ITPR3: variants seen among roughly 807,000 people sequenced by gnomAD.
The protein encoded by ITPR3 is inositol 1,4,5-trisphosphate-gated calcium channel ITPR3.
In ITPR3, 173 loss-of-function variants were observed where a neutral mutation model predicts 293.2. The ratio of observed to expected loss-of-function variants is 0.59; its 90% CI spans 0.52 to 0.67. The LOEUF (loss-of-function observed/expected upper bound fraction) is 0.67, where lower values mean the gene tolerates loss of function less well. ITPR3 is among the 30% of genes least tolerant of loss of function. ITPR3 has a pLI of 0.00. For missense variants in ITPR3, 2,796 were observed against 3,592.1 expected (o/e 0.78, Z 5.66); for synonymous variants, 1,295 against 1,444.4 (o/e 0.90, Z 2.35).
Position 33,638,153 on chromosome 6 carries a change from G to A in ITPR3, c.90-2331G>A, listed in dbSNP as rs1368203587. Among the ~76,000 whole-genome samples the A allele has an allele frequency of 4.6e-5, 7 of 152,030 alleles. No individual in the cohort carries two copies. The highest frequency in any genetic ancestry group is 1.2e-4 in the African/African-American group (5 of 41,374). On this transcript the variant is annotated intron_variant, in intron 1 of 57. Transcript: ENST00000605930. The surrounding 1 kb of genome is among the most constrained non-coding windows in gnomAD (Gnocchi z 4.3). ...CCTGTGTAGCTGGGATTACAGGCGC[G>A]CACCGCCACGCCCAGCTAATTTTTG...
intron 1 of ITPR3, among the ~76,000 whole-genome samples, chr6:33,630,419 T>G (rs1763648363): frequency 1.3e-5 from 2 of 152,216 alleles, no homozygotes; most frequent in South Asian, 4.1e-4. Flanking sequence ...TTCTGGGTTA[T>G]GGAGAGTGGG....
intron 13 of ITPR3, 111 bp from the exon 14 acceptor site, chr6:33,665,724 G>GT: frequency 8.3e-7 from 1 of 1,205,734 alleles, no homozygotes; most frequent in South Asian, 1.4e-5. Context: ...GTGCTTTGGG[G>GT]GCCGCTGAGT....
chr6:33,642,652 T>C (rs1470486538), intron 2 of ITPR3, among the ~76,000 whole-genome samples: 1 of 152,050 alleles, frequency 6.6e-6, no homozygotes, highest in Admixed American at 6.6e-5. Context: ...CCCTCCTCTG[T>C]CCTCATTGCG....
chr6:33,677,155 C>T, intron 27 of ITPR3, 66 bp downstream of exon 27: 1 of 1,434,274 alleles, frequency 7.0e-7, no homozygotes, highest in Non-Finnish European at 9.8e-7. Flanking sequence ...CTCCCGCTGG[C>T]CCGGCCCCCT....
Position 33,672,009 on chromosome 6 carries a change from C to T in ITPR3, c.2729-20C>T. The T allele has an allele frequency of 6.3e-7, 1 of 1,580,844 alleles. No individual in the cohort carries two copies. Among genetic ancestry groups the T allele is most frequent in the South Asian group, 1.2e-5 (1 of 85,442 alleles). On this transcript the variant is annotated intron_variant, in intron 21 of 57. Coordinates refer to ENST00000605930, the MANE Select transcript of ITPR3 (RefSeq NM_002224.4). This position sits in a 1 kb window ranked among gnomAD's most constrained non-coding sequence, Gnocchi z 5.0. ...CCTCTACAACCTCCTTGGCAACCTC[C>T]TCTGCTTCCCCCTCCACAGGCAAGA...
At chr6:33,627,962 G>A (rs1375466136) in intron 1 of ITPR3, among the ~76,000 whole-genome samples, 1 of 152,222 alleles carries the variant, frequency 6.6e-6, no homozygotes, top group Non-Finnish European at 1.5e-5. Context: ...CCAACTGCTC[G>A]GCCTGAATCC....
chr6:33,655,644 G>C lies in ITPR3; in HGVS notation c.161-122G>C. 7.7e-7 allele frequency: 1 copy of C among 1,305,314 alleles called. No homozygotes were observed. The highest frequency in any genetic ancestry group is 1.1e-6 in the Non-Finnish European group (1 of 941,900). 80.9% of individuals were successfully genotyped at this position (1,305,314 alleles called of 1,614,324 possible). Reference sequence around the variant, plus strand: ...TCTTCCAACCGCTTCCTCTCTACCTGCAGCGGGGAACGGGGGTGGGGAAGG... The same window carrying C: ...TCTTCCAACCGCTTCCTCTCTACCTCCAGCGGGGAACGGGGGTGGGGAAGG... On this transcript the variant is annotated intron_variant, in intron 2 of 57. Transcript: ENST00000605930. This position sits in a 1 kb window ranked among gnomAD's most constrained non-coding sequence, Gnocchi z 4.9.
chr6:33,651,014 C>T (rs12208956), intron 2 of ITPR3, among the ~76,000 whole-genome samples: 30,381 of 151,994 alleles, frequency 0.2, 3,832 homozygotes, highest in South Asian at 0.3. Flanking sequence ...GGGTGGTTCA[C>T]GCCTGTAATC....
intron 23 of ITPR3, 88 bp downstream of exon 23, chr6:33,673,808 C>T (rs1478355404): frequency 2.0e-6 from 3 of 1,466,320 alleles, no homozygotes; most frequent in Non-Finnish European, 2.8e-6. Context: ...CTCAGCCCTG[C>T]TCCTTTTTCT....
At chr6:33,659,572 C>T in intron 7 of ITPR3, 23 bp downstream of exon 7, 1 of 1,597,324 alleles carries the variant, frequency 6.3e-7, no homozygotes, top group Non-Finnish European at 8.6e-7. Context: ...AACCCCTGCC[C>T]TGCCCAGCTG....
chr6:33,622,507 A>C (rs1368072378), intron 1 of ITPR3, among the ~76,000 whole-genome samples: 1 of 152,148 alleles, frequency 6.6e-6, no homozygotes, highest in Non-Finnish European at 1.5e-5. Context: ...GATTCGCTGG[A>C]TGGGAGCGTA....
chr6:33,657,877 T>C, intron 3 of ITPR3, 55 bp from the exon 4 acceptor site: 6 of 1,495,524 alleles, frequency 4.0e-6, no homozygotes, highest in Non-Finnish European at 5.6e-6. Context: ...GGGGTATGTC[T>C]TCCTCTAGGA....
chr6:33,691,055 C>T lies in ITPR3; in HGVS notation c.7171C>T (p.Leu2391Phe). 5 of 1,614,208 alleles carry T rather than the reference C, an allele frequency of 3.1e-6. No homozygotes were observed. Among genetic ancestry groups the T allele is most frequent in the Non-Finnish European group, 4.2e-6 (5 of 1,180,042 alleles). ...CTTCTCCATCGTCGGCTTCCTCTTCCTCAAGGATGACTTCATTCTCGAGGT... is the reference window on the plus strand; with the variant it reads ...CTTCTCCATCGTCGGCTTCCTCTTCTTCAAGGATGACTTCATTCTCGAGGT... ...YLFSIVGFLF[L>F]KDDFILEVDR... Residue 2391 changes from leucine (L) to phenylalanine (F), a missense_variant, in exon 52 of 58, where the codon CTC becomes TTC. Around this residue, in one of 8 missense-constraint regions of ITPR3, gnomAD observed 568 missense variants for 796.1 expected, o/e 0.71. Coordinates refer to ENST00000605930, the MANE Select transcript of ITPR3 (RefSeq NM_002224.4). The surrounding 1 kb of genome is among the most constrained non-coding windows in gnomAD (Gnocchi z 4.9).
chr6:33,649,504 C>T (rs868703459), intron 2 of ITPR3, among the ~76,000 whole-genome samples: 4 of 152,154 alleles, frequency 2.6e-5, no homozygotes, highest in South Asian at 2.1e-4. Context: ...GGATTATAGG[C>T]GTGAGCCACC....
rs534696728 is a variant in ITPR3 at position 33,685,341 on chromosome 6, GC to G, written c.5308-16del. On this transcript the variant is annotated splice_polypyrimidine_tract_variant and intron_variant, in intron 39 of 57. Transcript: ENST00000605930. ...GGCCCAGTGCTGAGGTTGTTCCCTG[GC>G]CACTGTCCACCTCCAGAAATCCTTC... The G allele has an allele frequency of 5.5e-4, 882 of 1,602,108 alleles. 4 individuals carry two copies. In the African/African-American group the frequency reaches 8.7e-3, roughly 16 times the overall value.
chr6:33,661,342 G>A (rs9469542), intron 7 of ITPR3, among the ~76,000 whole-genome samples: 8,870 of 152,288 alleles, frequency 0.058, 265 homozygotes, highest in African/African-American at 0.065. Context: ...CTCAGCGGGA[G>A]GAAGGTGATG....
chr6:33,689,198 G>T, intron 49 of ITPR3, 40 bp from the exon 50 acceptor site: 3 of 1,598,676 alleles, frequency 1.9e-6, no homozygotes, highest in Non-Finnish European at 1.7e-6. Context: ...GGCCGTGGTG[G>T]GCTTGAGGGA....
chr6:33,693,184 G>A (rs1047412807), intron 55 of ITPR3, among the ~76,000 whole-genome samples: 1 of 152,194 alleles, frequency 6.6e-6, no homozygotes, highest in Non-Finnish European at 1.5e-5. Flanking sequence ...TCCTACCCCT[G>A]AAATGAAGTG....
chr6:33,626,891 C>T (rs1016278539), intron 1 of ITPR3, among the ~76,000 whole-genome samples: 3 of 152,196 alleles, frequency 2.0e-5, no homozygotes, highest in Non-Finnish European at 4.4e-5. Flanking sequence ...CCACAACCTT[C>T]GCCTCCCAGG....
Sources: allele counts gnomAD v4.1 joint callset (sites outside exome capture counted in the v4.1 genomes callset), GRCh38; gene constraint gnomAD v4.1.1; regional missense constraint gnomAD v4.1.1; non-coding constraint Gnocchi (gnomAD v3.1); transcripts MANE v1.5; gene names NCBI Gene and HGNC (gene_info 2026-07-23, HGNC 2026-07-21).